The following DGKB variants were observed in gnomAD, a reference collection of about 807,000 sequenced individuals.
DGKB encodes diacylglycerol kinase beta, also known as 90 kDa diacylglycerol kinase.
A neutral mutation model predicts 114.3 loss-of-function variants in DGKB; 67 were observed. The observed-to-expected ratio is 0.59, with a 90% CI of 0.48 to 0.72. The LOEUF (loss-of-function observed/expected upper bound fraction) is 0.72. DGKB is among the 30% of genes least tolerant of loss of function. The probability of loss-of-function intolerance (pLI) is 0.00; values close to 1 mark genes in which losing one functional copy is unlikely to be tolerated. For missense variants in DGKB, 907 were observed against 975.2 expected (o/e 0.93, Z 0.93); for synonymous variants, 398 against 323.1 (o/e 1.23, Z -2.49).
chr7:14,858,823 A>C (rs1850554398), intron 1 of DGKB, among the ~76,000 whole-genome samples: 1 of 152,218 alleles, frequency 6.6e-6, no homozygotes, highest in South Asian at 2.1e-4. Context: ...CAGATTACAG[A>C]TATTCTAACC....
chr7:14,897,010 C>T (rs1448391102), intron 1 of DGKB, among the ~76,000 whole-genome samples: 2 of 151,716 alleles, frequency 1.3e-5, no homozygotes, highest in Admixed American at 6.6e-5. Context: ...AAACTCATTC[C>T]GAGATTACTC....
chr7:14,702,793 T>C (rs1322855613), intron 6 of DGKB, among the ~76,000 whole-genome samples: 2 of 152,206 alleles, frequency 1.3e-5, no homozygotes, highest in African/African-American at 4.8e-5. Context: ...TATTTTTGTA[T>C]TTAATGGTTA....
chr7:14,762,363 G>A (rs773244536), intron 2 of DGKB, among the ~76,000 whole-genome samples: 2 of 151,928 alleles, frequency 1.3e-5, no homozygotes, highest in Non-Finnish European at 2.9e-5. Context: ...TTCTCATTTC[G>A]GCTGAGTCAT....
chr7:14,473,213 C>T (rs1461334228), intron 21 of DGKB, among the ~76,000 whole-genome samples: 6 of 152,086 alleles, frequency 3.9e-5, no homozygotes, highest in Non-Finnish European at 5.9e-5. Context: ...GCCCATGCTG[C>T]GTGAAGCCAA....
intron 20 of DGKB, among the ~76,000 whole-genome samples, chr7:14,511,597 T>C (rs1787988972): frequency 6.6e-6 from 1 of 152,142 alleles, no homozygotes; most frequent in Non-Finnish European, 1.5e-5. Flanking sequence ...TTCATGGGAG[T>C]AACCCTTTTA....
At chr7:14,697,756 GAAAGAAAGAAAGAAAC>G (rs921625406) in intron 8 of DGKB, among the ~76,000 whole-genome samples, 8 of 131,900 alleles carry the variant, frequency 6.1e-5, no homozygotes, top group African/African-American at 2.2e-4. Flanking sequence ...AAGAAAGAAA[GAAAGAAAGAAAGAAAC>G]AAAGAGAAAG....
chr7:14,518,569 T>A (rs1584523266), intron 20 of DGKB, among the ~76,000 whole-genome samples: 1 of 152,222 alleles, frequency 6.6e-6, no homozygotes. Flanking sequence ...TACTTCTATT[T>A]AAAAATATTT....
At position 14,772,466 on chromosome 7, in the gene DGKB, T is replaced by G. The variant is rs370937058; in HGVS notation, c.71-14735A>C. On this transcript the variant is annotated intron_variant, in intron 2 of 25. Coordinates refer to ENST00000402815, the MANE Select transcript of DGKB (RefSeq NM_001350709.2). ...TGGAGGACTGTCTTACCACATTGGA[T>G]AGTAAAAATGTTGAAGAATTTTTAT... Among the ~76,000 whole-genome samples the G allele has an allele frequency of 2.4e-4, 37 of 152,304 alleles. No individual in the cohort carries two copies. The South Asian group carries it at 7.5e-3, about 31-fold the overall frequency.
intron 1 of DGKB, among the ~76,000 whole-genome samples, chr7:14,917,604 T>C (rs1433597668): frequency 6.6e-6 from 1 of 152,012 alleles, no homozygotes; most frequent in Admixed American, 6.6e-5. Context: ...TAGGCTTATA[T>C]TTACTAAAGA....
intron 23 of DGKB, among the ~76,000 whole-genome samples, chr7:14,241,152 G>A (rs909990717): frequency 6.6e-6 from 1 of 151,966 alleles, no homozygotes; most frequent in Non-Finnish European, 1.5e-5. Flanking sequence ...TAGCCCCATG[G>A]GCATTTAATG....
At chr7:14,604,468 G>T (rs570167200) in intron 17 of DGKB, among the ~76,000 whole-genome samples, 1 of 152,132 alleles carries the variant, frequency 6.6e-6, no homozygotes, top group African/African-American at 2.4e-5. Context: ...TTTTAAAAAA[G>T]AATTTGGAAG....
intron 20 of DGKB, among the ~76,000 whole-genome samples, chr7:14,553,670 A>G (rs1357387759): frequency 6.6e-6 from 1 of 152,194 alleles, no homozygotes; most frequent in African/African-American, 2.4e-5. Flanking sequence ...GTATGGGTTT[A>G]CAAACGTTTA....
At chr7:14,367,959 G>C (rs896560463) in intron 21 of DGKB, among the ~76,000 whole-genome samples, 2 of 152,058 alleles carry the variant, frequency 1.3e-5, no homozygotes, top group Non-Finnish European at 2.9e-5. Context: ...ATTACAATTT[G>C]AGATGAGATT....
At chr7:14,215,935 G>T (rs1788889365) in intron 23 of DGKB, among the ~76,000 whole-genome samples, 2 of 152,052 alleles carry the variant, frequency 1.3e-5, no homozygotes, top group Non-Finnish European at 2.9e-5. Context: ...ATATGGCCTG[G>T]ATATTATTTC....
chr7:14,206,961 T>C (rs191021830), intron 23 of DGKB, among the ~76,000 whole-genome samples: 19 of 151,714 alleles, frequency 1.3e-4, no homozygotes, highest in African/African-American at 4.4e-4. Flanking sequence ...GAAGAAAACC[T>C]AAGTATTAGG....
intron 1 of DGKB, among the ~76,000 whole-genome samples, chr7:14,961,844 T>C (rs987001850): frequency 4.6e-5 from 7 of 152,024 alleles, no homozygotes; most frequent in African/African-American, 1.7e-4. Flanking sequence ...CCAATAAACT[T>C]TGCTAGCCCC....
intron 1 of DGKB, among the ~76,000 whole-genome samples, chr7:14,944,702 C>T (rs952846917): frequency 3.3e-5 from 5 of 151,592 alleles, no homozygotes; most frequent in East Asian, 1.9e-4. Flanking sequence ...AGTTGCTACT[C>T]ATAGGGACAT....
chr7:14,798,490 T>G (rs1479155560), intron 2 of DGKB, among the ~76,000 whole-genome samples: 1 of 152,222 alleles, frequency 6.6e-6, no homozygotes, highest in Non-Finnish European at 1.5e-5. Flanking sequence ...CCTTTACATG[T>G]TGATAAATTT....
At chr7:14,910,311 AAAG>A (rs1458084727) in intron 1 of DGKB, among the ~76,000 whole-genome samples, 38 of 139,054 alleles carry the variant, frequency 2.7e-4, no homozygotes, top group African/African-American at 9.0e-4. Flanking sequence ...AGAAAGAAAG[AAAG>A]AACCTTATAT....
Sources: gnomAD v4.1 joint callset for allele counts (sites outside exome capture counted in the v4.1 genomes callset) on GRCh38, gnomAD v4.1.1 for gene constraint, MANE v1.5 for transcripts, NCBI Gene and HGNC (gene_info 2026-07-23, HGNC 2026-07-21) for gene names.